The following SAP30BP variants were observed in gnomAD, a reference collection of about 807,000 sequenced individuals.
SAP30BP encodes the protein SAP30 binding protein.
In SAP30BP, 31 loss-of-function variants were observed where a neutral mutation model predicts 46.3. That is an observed-to-expected ratio of 0.67 (90% CI 0.50 to 0.90). The LOEUF (loss-of-function observed/expected upper bound fraction) is 0.90. Ranked by LOEUF, SAP30BP falls within the 40% of genes least tolerant of loss-of-function variation. SAP30BP has a pLI of 0.00. For missense variants in SAP30BP, 312 were observed against 391.0 expected (o/e 0.80, Z 1.70); for synonymous variants, 169 against 144.2 (o/e 1.17, Z -1.23).
At chr17:75,688,679 C>A (rs1361622669) in intron 3 of SAP30BP, among the ~76,000 whole-genome samples, 1 of 152,188 alleles carries the variant, frequency 6.6e-6, no homozygotes, top group African/African-American at 2.4e-5. Context: ...CTTGGTACTT[C>A]TCTGCTGAGT....
chr17:75,682,246 G>T (rs1268267591), intron 3 of SAP30BP, among the ~76,000 whole-genome samples: 2 of 151,510 alleles, frequency 1.3e-5, no homozygotes, highest in South Asian at 4.2e-4. Flanking sequence ...GTGCAGTGGC[G>T]TGATCTCAGC....
At chr17:75,674,715 T>G (rs1183143262) in intron 3 of SAP30BP, among the ~76,000 whole-genome samples, 8 of 135,682 alleles carry the variant, frequency 5.9e-5, no homozygotes, top group Non-Finnish European at 1.1e-4. Flanking sequence ...TTTTTTTTTT[T>G]TTTTTTTTTT....
intron 3 of SAP30BP, among the ~76,000 whole-genome samples, chr17:75,677,251 C>T (rs898266575): frequency 6.7e-6 from 1 of 150,302 alleles, no homozygotes; most frequent in Non-Finnish European, 1.5e-5. Context: ...GATACAGGCA[C>T]GCGCCACCAT....
chr17:75,703,751 A>G (rs2060451178), intron 7 of SAP30BP, 57 bp from the exon 8 acceptor site: 1 of 1,484,386 alleles, frequency 6.7e-7, no homozygotes, highest in African/African-American at 1.4e-5. Flanking sequence ...GACTTGGGCC[A>G]GGAACTTGGG....
At chr17:75,673,368 T>G (rs971774625) in intron 3 of SAP30BP, among the ~76,000 whole-genome samples, 2 of 152,192 alleles carry the variant, frequency 1.3e-5, no homozygotes, top group Non-Finnish European at 2.9e-5. Flanking sequence ...TCAAAGTCAG[T>G]CACAGCTCTC....
chr17:75,687,305 T>C (rs2060171040), intron 3 of SAP30BP, among the ~76,000 whole-genome samples: 1 of 152,132 alleles, frequency 6.6e-6, no homozygotes, highest in African/African-American at 2.4e-5. Flanking sequence ...TTAGGAGCAT[T>C]AGGCCCAGTG....
chr17:75,675,669 C>A (rs1379073170), intron 3 of SAP30BP, among the ~76,000 whole-genome samples: 1 of 151,908 alleles, frequency 6.6e-6, no homozygotes, highest in African/African-American at 2.4e-5. Context: ...AATCCCAGCA[C>A]TTTGGGAGGC....
At chr17:75,677,324 C>T (rs1277869372) in intron 3 of SAP30BP, among the ~76,000 whole-genome samples, 4 of 151,720 alleles carry the variant, frequency 2.6e-5, no homozygotes, top group African/African-American at 9.7e-5. Context: ...AGGCTGGTCT[C>T]GAACTCCTGA....
rs531707457 is a variant in SAP30BP at position 75,678,319 on chromosome 17, C to T, written c.264+6456C>T. The stretch of plus-strand genomic sequence containing the variant: ...AAATGGTGTAGCATTTGCATTTAGC[C>T]TTGGGAATCCTTCTGGATACTTTAA... On this transcript the variant is annotated intron_variant, in intron 3 of 10. Coordinates refer to ENST00000584667, the MANE Select transcript of SAP30BP (RefSeq NM_013260.8). Among the ~76,000 whole-genome samples, 7 of 152,244 alleles carry T rather than the reference C, an allele frequency of 4.6e-5. 1 individual carries two copies. The highest frequency in any genetic ancestry group is 4.8e-5 in the African/African-American group (2 of 41,524).
intron 3 of SAP30BP, among the ~76,000 whole-genome samples, chr17:75,689,503 C>T (rs1056879532): frequency 1.3e-4 from 20 of 152,176 alleles, no homozygotes; most frequent in Admixed American, 7.9e-4. Context: ...TTTTCACCTT[C>T]CTTAGGAACT....
At chr17:75,680,648 C>T (rs1200166262) in intron 3 of SAP30BP, among the ~76,000 whole-genome samples, 4 of 152,200 alleles carry the variant, frequency 2.6e-5, no homozygotes, top group Admixed American at 2.6e-4. Flanking sequence ...TCTGATTATA[C>T]GCCCTTATCC....
At chr17:75,690,715 T>C (rs1397834196) in intron 3 of SAP30BP, 1 of 456,666 alleles carries the variant, frequency 2.2e-6, no homozygotes, top group East Asian at 6.9e-5. Flanking sequence ...CTCAGCAAGC[T>C]CATGGCCCAG....
At chr17:75,672,982 A>T (rs1275739661) in intron 3 of SAP30BP, among the ~76,000 whole-genome samples, 1 of 152,106 alleles carries the variant, frequency 6.6e-6, no homozygotes, top group Non-Finnish European at 1.5e-5. Context: ...AACAAAAAAA[A>T]ACTGCTTGGA....
chr17:75,672,867 G>A (rs1235038726), intron 3 of SAP30BP, among the ~76,000 whole-genome samples: 1 of 152,056 alleles, frequency 6.6e-6, no homozygotes, highest in Non-Finnish European at 1.5e-5. Context: ...GGGAAGCTGA[G>A]GCAGGGGAAT....
chr17:75,691,415 G>A (rs820218), intron 3 of SAP30BP: 130,065 of 456,364 alleles, frequency 0.29, 19,853 homozygotes, highest in Middle Eastern at 0.4. Flanking sequence ...AACAACCTCA[G>A]CTGAGCCTGG....
chr17:75,668,731 C>T (rs1480782862), intron 2 of SAP30BP, 106 bp downstream of exon 2: 2 of 706,920 alleles, frequency 2.8e-6, no homozygotes, highest in South Asian at 1.9e-5. Flanking sequence ...CCATCCCTTG[C>T]TCTCCCGTTT....
chr17:75,704,316 A>G lies in SAP30BP; in HGVS notation c.602-440A>G, dbSNP rs191045014. 3.2e-4 allele frequency among the ~76,000 whole-genome samples: 48 copies of G among 152,198 alleles called. No homozygotes were observed. In the Middle Eastern group the frequency reaches 0.014, roughly 43 times the overall value. ...CTGGGAGAAATGTCAAAGGGCCCAA[A>G]CCCCTAGACCATAGGTCTTAAGCCT... On this transcript the variant is annotated intron_variant, in intron 8 of 10. Coordinates refer to ENST00000584667, the MANE Select transcript of SAP30BP (RefSeq NM_013260.8).
At chr17:75,677,780 TCAAA>T (rs779752815) in intron 3 of SAP30BP, among the ~76,000 whole-genome samples, 72 of 131,912 alleles carry the variant, frequency 5.5e-4, no homozygotes, top group Non-Finnish European at 8.7e-4. Context: ...TTTTTTTAAA[TCAAA>T]CGGCTACAGT....
In SAP30BP at chr17:75,706,370, C is replaced by T. The variant is rs745354622; in HGVS notation, c.776C>T (p.Ser259Leu). 9.3e-6 allele frequency: 15 copies of T among 1,613,662 alleles called. No homozygotes were observed. In the Admixed American group the frequency reaches 1.7e-4, roughly 18 times the overall value. The change falls in exon 11 of 11, where the codon TCG (serine) becomes TTG (leucine). Residue 259 changes from serine to leucine, a missense_variant. Physicochemically the swap from Ser to Leu is moderately radical, Grantham distance 145. Transcript: ENST00000584667. The surrounding 1 kb of genome is among the most constrained non-coding windows in gnomAD (Gnocchi z 4.6). ...CAGAAGAGAAAGAGCAAGTGGGATT[C>T]GGCTATCCCAGTGACAACGATAGCC... ...DAQKRKSKWD[S>L]AIPVTTIAQP...
Sources: gnomAD v4.1 joint callset for allele counts (sites outside exome capture counted in the v4.1 genomes callset) on GRCh38, gnomAD v4.1.1 for gene constraint, Gnocchi (gnomAD v3.1) non-coding constraint, MANE v1.5 for transcripts, NCBI Gene and HGNC (gene_info 2026-07-23, HGNC 2026-07-21) for gene names.